Variants in RIPK1 observed in about 807,000 individuals in gnomAD.
RIPK1 encodes the protein receptor-interacting serine/threonine-protein kinase 1.
RIPK1 carries 27 observed loss-of-function variants against 62.4 expected under a neutral mutation model. That is an observed-to-expected ratio of 0.43 (90% CI 0.32 to 0.60). The LOEUF (loss-of-function observed/expected upper bound fraction) is 0.60, where lower values mean the gene tolerates loss of function less well. Ranked by LOEUF, RIPK1 falls within the 20% of genes least tolerant of loss-of-function variation. The pLI is 0.07. For synonymous variants in RIPK1, 287 were observed against 303.2 expected, an observed-to-expected ratio of 0.95 and a Z score of 0.55; for missense variants, 735 against 831.0, an observed-to-expected ratio of 0.88 and a Z score of 1.42.
chr6:3,071,494 C>T (rs1268782492), intron 1 of RIPK1, among the ~76,000 whole-genome samples: 6 of 152,140 alleles, frequency 3.9e-5, no homozygotes, highest in African/African-American at 1.2e-4. Flanking sequence ...GTCTTTGTCA[C>T]TCTGTGTCAT....
At chr6:3,087,257 TATG>T (rs1759746197) in intron 6 of RIPK1, among the ~76,000 whole-genome samples, 1 of 152,180 alleles carries the variant, frequency 6.6e-6, no homozygotes, top group Non-Finnish European at 1.5e-5. Flanking sequence ...TCTGTAGGTT[TATG>T]CCTCTTAAAC....
intron 9 of RIPK1, 148 bp from the exon 10 acceptor site, chr6:3,110,655 A>G: frequency 2.0e-6 from 1 of 493,828 alleles, no homozygotes; most frequent in Non-Finnish European, 3.5e-6. Flanking sequence ...GAGGTGGTTT[A>G]GCCAGATTTG....
At chr6:3,112,727 A>G (rs1761228471) in intron 10 of RIPK1, among the ~76,000 whole-genome samples, 1 of 152,062 alleles carries the variant, frequency 6.6e-6, no homozygotes, top group African/African-American at 2.4e-5. Context: ...TGGTAGAGAC[A>G]GGTTCTTGCT....
intron 1 of RIPK1, among the ~76,000 whole-genome samples, chr6:3,070,754 C>T (rs1758669323): frequency 6.6e-6 from 1 of 152,172 alleles, no homozygotes; most frequent in Non-Finnish European, 1.5e-5. Context: ...AAAGTTTATT[C>T]TGTACTTTCT....
At chr6:3,081,865 A>T (rs1289310984) in intron 4 of RIPK1, among the ~76,000 whole-genome samples, 6 of 1,292 alleles carry the variant, frequency 4.6e-3, no homozygotes, top group Admixed American at 0.017. Context: ...TGCCTTAAAA[A>T]AAAAAAAAAA....
intron 10 of RIPK1, among the ~76,000 whole-genome samples, chr6:3,112,449 C>T (rs760052138): frequency 6.6e-6 from 1 of 152,172 alleles, no homozygotes; most frequent in African/African-American, 2.4e-5. Context: ...CACCCAACCT[C>T]GTAGCCACAC....
At chr6:3,082,432 G>T (rs1315563806) in intron 4 of RIPK1, among the ~76,000 whole-genome samples, 1 of 152,198 alleles carries the variant, frequency 6.6e-6, no homozygotes. Context: ...TCTGAACTGT[G>T]CTGCCCTGTC....
chr6:3,111,346 CTG>C (rs1341120721), intron 10 of RIPK1, among the ~76,000 whole-genome samples: 1 of 152,198 alleles, frequency 6.6e-6, no homozygotes, highest in African/African-American at 2.4e-5. Context: ...AGATAGAAGA[CTG>C]TGCCCTCCAC....
upstream of RIPK1, among the ~76,000 whole-genome samples, chr6:3,064,900 G>A (rs1232805366): frequency 6.6e-6 from 1 of 152,020 alleles, no homozygotes; most frequent in African/African-American, 2.4e-5. Flanking sequence ...GGCTTTAAGC[G>A]GATCCTAAGG....
rs771073530 is a variant in RIPK1 at position 3,081,093 on chromosome 6, G to A, written c.436G>A (p.Val146Ile). The stretch of plus-strand genomic sequence containing the variant: ...GGACCTGAAGCCTGAAAATATCCTT[G>A]TTGATAATGACTTCCACATTAAGGT... ...HKDLKPENILVDNDFHIKIAD... is the reference protein window; with the variant it reads ...HKDLKPENILIDNDFHIKIAD... Residue 146 changes from valine (V) to isoleucine (I), a missense_variant, in exon 4 of 11, where the codon GTT (valine) becomes ATT (isoleucine). By Grantham distance (29) the Val-to-Ile change is conservative. Transcript: ENST00000259808. 28 of 1,614,150 alleles carry A rather than the reference G, an allele frequency of 1.7e-5. No homozygotes were observed. The highest frequency in any genetic ancestry group is 2.2e-5 in the Non-Finnish European group (26 of 1,180,004).
chr6:3,111,647 C>A (rs1189563609), intron 10 of RIPK1, among the ~76,000 whole-genome samples: 1 of 152,172 alleles, frequency 6.6e-6, no homozygotes, highest in Non-Finnish European at 1.5e-5. Context: ...ATGAGCACGG[C>A]TGTGTTCCAA....
chr6:3,109,736 T>C (rs1162849415), intron 9 of RIPK1, among the ~76,000 whole-genome samples: 1 of 152,230 alleles, frequency 6.6e-6, no homozygotes, highest in Non-Finnish European at 1.5e-5. Flanking sequence ...TCTATCTATA[T>C]AACTGTTTTA....
At chr6:3,097,272 A>G (rs1033721318) in intron 7 of RIPK1, among the ~76,000 whole-genome samples, 12 of 152,196 alleles carry the variant, frequency 7.9e-5, no homozygotes, top group African/African-American at 2.9e-4. Flanking sequence ...TAAAGAAGAG[A>G]ATAAGATCAG....
intron 7 of RIPK1, among the ~76,000 whole-genome samples, chr6:3,102,608 T>A (rs1760637472): frequency 6.7e-6 from 1 of 149,678 alleles, no homozygotes; most frequent in African/African-American, 2.6e-5. Flanking sequence ...TGTATAACTT[T>A]TTGTTTTTCT....
chr6:3,109,053 C>T (rs886791056), intron 9 of RIPK1, among the ~76,000 whole-genome samples: 2 of 152,174 alleles, frequency 1.3e-5, no homozygotes, highest in Admixed American at 1.3e-4. Flanking sequence ...AGTACCAACA[C>T]TTGACAAATT....
At chr6:3,100,590 G>A (rs1760542113) in intron 7 of RIPK1, among the ~76,000 whole-genome samples, 1 of 151,894 alleles carries the variant, frequency 6.6e-6, no homozygotes, top group African/African-American at 2.4e-5. Context: ...AATCTTTGGG[G>A]GTTTTTTTGG....
At position 3,104,333 on chromosome 6, in the gene RIPK1, CA is replaced by C; in HGVS notation, c.1006+22del. On this transcript the variant is annotated intron_variant, in intron 8 of 10. Coordinates refer to ENST00000259808, the MANE Select transcript of RIPK1 (RefSeq NM_001354930.2). ...AAATTCAGGTAAATTACACTATGGT[CA>C]AAATCTATTCATTTATTTGTTTGGT... 1 of 1,308,420 alleles carries C rather than the reference CA, an allele frequency of 7.6e-7. No homozygotes were observed. Among genetic ancestry groups the C allele is most frequent in the Non-Finnish European group, 1.1e-6 (1 of 903,318 alleles). 81.1% of individuals were successfully genotyped at this position (1,308,420 alleles called of 1,614,324 possible).
chr6:3,108,376 G>A (rs1169745575), intron 9 of RIPK1, among the ~76,000 whole-genome samples: 1 of 152,076 alleles, frequency 6.6e-6, no homozygotes, highest in Non-Finnish European at 1.5e-5. Context: ...TTCTAGTATT[G>A]CATTCGTTTC....
intron 7 of RIPK1, among the ~76,000 whole-genome samples, chr6:3,090,273 A>G (rs902043896): frequency 2.6e-5 from 4 of 152,140 alleles, no homozygotes; most frequent in African/African-American, 4.8e-5. Context: ...CCAATCAACT[A>G]AGAGGAATGG....
Sources: allele counts gnomAD v4.1 joint callset (sites outside exome capture counted in the v4.1 genomes callset), GRCh38; gene constraint gnomAD v4.1.1; transcripts MANE v1.5; gene names NCBI Gene and HGNC (gene_info 2026-07-23, HGNC 2026-07-21).